Variants in UNC79 observed in about 807,000 individuals in gnomAD.
UNC79 encodes the protein unc-79 subunit of NALCN channel complex.
UNC79 carries 37 observed loss-of-function variants against 283.1 expected under a neutral mutation model. The observed-to-expected ratio is 0.13, with a 90% CI of 0.10 to 0.17. The LOEUF is 0.17. Among genes scored for constraint, UNC79 ranks in the 10% least tolerant of loss-of-function variants. The pLI is 1.00. For synonymous variants in UNC79, 1,107 were observed against 1,200.2 expected, an observed-to-expected ratio of 0.92 and a Z score of 1.61; for missense variants, 2,272 against 3,211.1, an observed-to-expected ratio of 0.71 and a Z score of 7.07.
At chr14:93,542,278 G>A (rs1458459562) in intron 13 of UNC79, among the ~76,000 whole-genome samples, 188 bp from the exon 14 acceptor site, 1 of 152,176 alleles carries the variant, frequency 6.6e-6, no homozygotes, top group African/African-American at 2.4e-5. Context: ...AATTGTTGTT[G>A]CAATCCATCT....
At chr14:93,372,636 A>C (rs1370387301) in intron 1 of UNC79, among the ~76,000 whole-genome samples, 2 of 152,242 alleles carry the variant, frequency 1.3e-5, no homozygotes, top group African/African-American at 4.8e-5. Flanking sequence ...AATGTGTTTA[A>C]GCACCTAACA....
At chr14:93,625,115 C>T (rs547972262) in intron 30 of UNC79, among the ~76,000 whole-genome samples, 1 of 152,328 alleles carries the variant, frequency 6.6e-6, no homozygotes, top group Non-Finnish European at 1.5e-5. Context: ...CAAAATCCCT[C>T]ACACACATTC....
chr14:93,493,874 C>CATATATATATATATATATAT (rs140201851), intron 5 of UNC79, among the ~76,000 whole-genome samples: 1 of 76,692 alleles, frequency 1.3e-5, no homozygotes, highest in African/African-American at 5.6e-5. Flanking sequence ...GGAAGTGCCA[C>CATATATATATATATATATAT]ATATATATAT....
chr14:93,518,879 A>G (rs1283258607), intron 7 of UNC79, among the ~76,000 whole-genome samples: 4 of 151,902 alleles, frequency 2.6e-5, no homozygotes, highest in Admixed American at 6.6e-5. Context: ...GTTTAATTCT[A>G]TTGTGGCTAG....
chr14:93,571,022 A>G (rs2063176030), intron 14 of UNC79, among the ~76,000 whole-genome samples: 1 of 152,194 alleles, frequency 6.6e-6, no homozygotes, highest in Non-Finnish European at 1.5e-5. Flanking sequence ...TATTTAGTCA[A>G]TTGTCTTGTC....
intron 1 of UNC79, among the ~76,000 whole-genome samples, chr14:93,352,242 G>C (rs1199588146): frequency 6.6e-6 from 1 of 152,134 alleles, no homozygotes; most frequent in Non-Finnish European, 1.5e-5. Context: ...CTGATTTCTT[G>C]TATTCAGTGA....
intron 1 of UNC79, among the ~76,000 whole-genome samples, chr14:93,464,964 G>C (rs1451927617): frequency 6.6e-6 from 1 of 152,136 alleles, no homozygotes; most frequent in Non-Finnish European, 1.5e-5. Context: ...TCAAGTTGTT[G>C]AAAACGTGGA....
chr14:93,463,150 T>C (rs1386704858), intron 1 of UNC79, among the ~76,000 whole-genome samples: 1 of 151,858 alleles, frequency 6.6e-6, no homozygotes, highest in Non-Finnish European at 1.5e-5. Flanking sequence ...AGCAGGGGAA[T>C]GTGGGGTCTG....
intron 39 of UNC79, among the ~76,000 whole-genome samples, chr14:93,662,183 A>G (rs755598565): frequency 2.3e-4 from 35 of 152,174 alleles, no homozygotes; most frequent in Non-Finnish European, 1.2e-4. Context: ...ACTTACACGT[A>G]AGGGTGGTTT....
rs1555394962 is a variant in UNC79 at position 93,660,563 on chromosome 14, ATGTG to A, written c.6525+1316_6525+1319del. 4.1e-3 allele frequency among the ~76,000 whole-genome samples: 263 copies of A among 64,578 alleles called. 3 individuals carry two copies. The highest frequency in any genetic ancestry group is 0.011 in the African/African-American group (177 of 15,548). 42.4% of individuals were successfully genotyped at this position (64,578 alleles called of 152,430 possible). A position where few individuals can be genotyped will look rare whatever the true frequency, so the allele number is the denominator to read the frequency against. ...TATATATATATATATATATATATAT[ATGTG>A]TGTGTGTGTGTGTTCATTTTATTTT... On this transcript the variant is annotated intron_variant, in intron 39 of 48. Transcript: ENST00000555664.
chr14:93,486,073 A>T (rs2058411815), intron 4 of UNC79, among the ~76,000 whole-genome samples: 2 of 152,202 alleles, frequency 1.3e-5, no homozygotes, highest in African/African-American at 4.8e-5. Flanking sequence ...GTACTTTAAT[A>T]TAAAATAAAA....
chr14:93,614,635 TAAA>T (rs60270149), intron 27 of UNC79, among the ~76,000 whole-genome samples: 3 of 138,890 alleles, frequency 2.2e-5, no homozygotes, highest in Non-Finnish European at 1.6e-5. Flanking sequence ...TGTGTGTGTT[TAAA>T]AAAAAAAAAA....
At chr14:93,662,322 C>T (rs986116406) in intron 39 of UNC79, among the ~76,000 whole-genome samples, 1 of 152,084 alleles carries the variant, frequency 6.6e-6, no homozygotes, top group Non-Finnish European at 1.5e-5. Flanking sequence ...AGGGTGGACA[C>T]GAAGACAGGG....
chr14:93,337,355 T>G (rs914544609), intron 1 of UNC79, among the ~76,000 whole-genome samples: 3 of 152,232 alleles, frequency 2.0e-5, no homozygotes, highest in Non-Finnish European at 4.4e-5. Context: ...TAACTTATTC[T>G]TCCTTGACAT....
chr14:93,356,809 A>G (rs989277085), intron 1 of UNC79, among the ~76,000 whole-genome samples: 1 of 152,216 alleles, frequency 6.6e-6, no homozygotes, highest in Non-Finnish European at 1.5e-5. Context: ...TCTTTATATA[A>G]GGTGAATGGA....
At position 93,642,391 on chromosome 14, in the gene UNC79, C is replaced by T. The variant is rs1319901046; in HGVS notation, c.5903+1144C>T. Among the ~76,000 whole-genome samples the T allele has an allele frequency of 3.5e-5, 5 of 143,504 alleles. No homozygotes were observed. The East Asian group carries it at 1.0e-3, about 29-fold the overall frequency. 94.1% of individuals were successfully genotyped at this position (143,504 alleles called of 152,430 possible). Reference sequence around the variant, plus strand: ...AGTGAGCCGAGATTGTGCCACTGCACTCCAGCCTGGGTGACAGAGCAAGAC... The same window carrying T: ...AGTGAGCCGAGATTGTGCCACTGCATTCCAGCCTGGGTGACAGAGCAAGAC... On this transcript the variant is annotated intron_variant, in intron 33 of 48. Coordinates refer to ENST00000555664, the Ensembl canonical transcript of UNC79.
chr14:93,392,674 C>T (rs1356570016), intron 1 of UNC79, among the ~76,000 whole-genome samples: 1 of 152,194 alleles, frequency 6.6e-6, no homozygotes, highest in Non-Finnish European at 1.5e-5. Flanking sequence ...ATTTTCATCA[C>T]ATATCCCTTC....
chr14:93,334,312 T>C (rs1236866106), intron 1 of UNC79, among the ~76,000 whole-genome samples: 1 of 152,354 alleles, frequency 6.6e-6, no homozygotes, highest in Non-Finnish European at 1.5e-5. Context: ...TCATTTTCTT[T>C]ACCCATCTCA....
chr14:93,691,086 C>T (rs1274267786), intron 45 of UNC79: 2 of 153,790 alleles, frequency 1.3e-5, no homozygotes, highest in African/African-American at 4.8e-5. Flanking sequence ...TATTTCTACT[C>T]AGATCCGGGT....
Sources: gnomAD v4.1 joint callset for allele counts (sites outside exome capture counted in the v4.1 genomes callset) on GRCh38, gnomAD v4.1.1 for gene constraint, MANE v1.5 for transcripts, NCBI Gene and HGNC (gene_info 2026-07-23, HGNC 2026-07-21) for gene names.